ITCH: variants seen among roughly 807,000 people sequenced by gnomAD.
The protein encoded by ITCH is itchy E3 ubiquitin protein ligase, also known as E3 ubiquitin-protein ligase Itchy homolog.
A neutral mutation model predicts 126.8 loss-of-function variants in ITCH; 28 were observed. The ratio of observed to expected loss-of-function variants is 0.22; its 90% CI spans 0.16 to 0.30. ITCH has a LOEUF of 0.30. Ranked by LOEUF, ITCH falls within the 10% of genes least tolerant of loss-of-function variation. The pLI is 1.00. For synonymous variants in ITCH, 342 were observed against 340.0 expected, an observed-to-expected ratio of 1.01 and a Z score of -0.06; for missense variants, 631 against 1,032.4, an observed-to-expected ratio of 0.61 and a Z score of 5.33.
chr20:34,446,100 C>G (rs1266702682), intron 11 of ITCH, among the ~76,000 whole-genome samples: 1 of 152,162 alleles, frequency 6.6e-6, no homozygotes, highest in Non-Finnish European at 1.5e-5. Context: ...GCTATGCAGT[C>G]TTTGGTGCTA....
intron 22 of ITCH, among the ~76,000 whole-genome samples, 166 bp downstream of exon 22, chr20:34,490,092 C>T (rs1989407489): frequency 6.6e-6 from 1 of 152,178 alleles, no homozygotes. Context: ...CCTTTTAAGA[C>T]TATTGCCAAG....
intron 14 of ITCH, among the ~76,000 whole-genome samples, chr20:34,465,137 C>G (rs200732307): frequency 2.6e-5 from 4 of 152,182 alleles, no homozygotes; most frequent in Non-Finnish European, 4.4e-5. Flanking sequence ...TTCCCAAGCA[C>G]CATTTGTTGA....
At chr20:34,502,709 A>G (rs1990338866) in intron 23 of ITCH, among the ~76,000 whole-genome samples, 1 of 151,272 alleles carries the variant, frequency 6.6e-6, no homozygotes, top group African/African-American at 2.4e-5. Context: ...CAAAAAAAAA[A>G]AGAAAATGCT....
At chr20:34,388,590 A>T (rs1004462665) in intron 2 of ITCH, among the ~76,000 whole-genome samples, 11 of 152,202 alleles carry the variant, frequency 7.2e-5, no homozygotes, top group South Asian at 2.1e-4. Context: ...TTTTGCTCTC[A>T]CATATCTGTC....
intron 2 of ITCH, among the ~76,000 whole-genome samples, chr20:34,380,365 T>C (rs1051776596): frequency 1.3e-5 from 2 of 152,204 alleles, no homozygotes; most frequent in Non-Finnish European, 2.9e-5. Context: ...TTCCCTGTTA[T>C]CTTTTTTGCT....
At chr20:34,384,730 A>G (rs1220051099) in intron 2 of ITCH, among the ~76,000 whole-genome samples, 6 of 138,822 alleles carry the variant, frequency 4.3e-5, no homozygotes, top group African/African-American at 1.6e-4. Context: ...GCATGTCCTC[A>G]GCTCACTGCA....
chr20:34,469,879 A>T (rs1987454467), intron 14 of ITCH, among the ~76,000 whole-genome samples, 169 bp from the exon 15 acceptor site: 1 of 152,214 alleles, frequency 6.6e-6, no homozygotes, highest in Non-Finnish European at 1.5e-5. Flanking sequence ...ACTTAAAAGT[A>T]TTCTTGGGGA....
intron 11 of ITCH, among the ~76,000 whole-genome samples, chr20:34,445,888 C>T (rs1190291833): frequency 6.6e-6 from 1 of 152,104 alleles, no homozygotes; most frequent in Non-Finnish European, 1.5e-5. Context: ...TAAGGCTTAC[C>T]TAATAAATTA....
At chr20:34,477,995 G>A in intron 17 of ITCH, 135 bp downstream of exon 17, 1 of 1,144,106 alleles carries the variant, frequency 8.7e-7, no homozygotes, top group Non-Finnish European at 1.2e-6. Context: ...CCTTTATTAT[G>A]CTGTAGCTAC....
intron 24 of ITCH, 152 bp downstream of exon 24, chr20:34,504,555 CT>C: frequency 4.7e-6 from 3 of 642,124 alleles, no homozygotes; most frequent in Non-Finnish European, 8.5e-6. Context: ...TTGTTCACCC[CT>C]GTATGATTCC....
At chr20:34,443,863 G>A (rs1338406249) in intron 10 of ITCH, among the ~76,000 whole-genome samples, 1 of 152,142 alleles carries the variant, frequency 6.6e-6, no homozygotes, top group Non-Finnish European at 1.5e-5. Context: ...GCATGTACCT[G>A]TAGTCCTAGT....
chr20:34,412,726 G>A (rs1979214175), intron 5 of ITCH, 87 bp downstream of exon 5: 3 of 1,118,242 alleles, frequency 2.7e-6, no homozygotes, highest in African/African-American at 1.5e-5. Context: ...AATGACTCAT[G>A]TTCTCTCATA....
chr20:34,505,334 G>A (rs904389687), intron 24 of ITCH, among the ~76,000 whole-genome samples: 4 of 152,024 alleles, frequency 2.6e-5, no homozygotes, highest in African/African-American at 4.8e-5. Context: ...GTGAGCTGCC[G>A]CATCTGGCCT....
chr20:34,453,851 G>A (rs1416414762), intron 12 of ITCH, among the ~76,000 whole-genome samples: 2 of 151,672 alleles, frequency 1.3e-5, no homozygotes, highest in African/African-American at 2.4e-5. Context: ...AAAATTAGCT[G>A]GGAGTGGTGG....
chr20:34,424,543 G>A lies in ITCH; in HGVS notation c.521+18G>A. The A allele has an allele frequency of 6.2e-7, 1 of 1,600,236 alleles. No individual in the cohort carries two copies. Among genetic ancestry groups the A allele is most frequent in the Non-Finnish European group, 8.6e-7 (1 of 1,167,412 alleles). On this transcript the variant is annotated intron_variant, in intron 7 of 24. Transcript: ENST00000374864. ...GAAACAAGGTAAGCATTCACTGATT[G>A]CTTACCACAGAATGCGGAGAGATAG...
chr20:34,433,990 T>A (rs553659298), intron 7 of ITCH, among the ~76,000 whole-genome samples: 11 of 152,246 alleles, frequency 7.2e-5, no homozygotes, highest in African/African-American at 2.6e-4. Flanking sequence ...AAAATTAAAA[T>A]GGGGGCTAGG....
At chr20:34,505,301 C>T (rs1990549239) in intron 24 of ITCH, among the ~76,000 whole-genome samples, 1 of 152,150 alleles carries the variant, frequency 6.6e-6, no homozygotes, top group Non-Finnish European at 1.5e-5. Flanking sequence ...ACCTCGGCCT[C>T]CCAAAGTGTT....
At chr20:34,507,571 G>T in intron 24 of ITCH, 124 bp from the exon 25 acceptor site, 2 of 732,036 alleles carry the variant, frequency 2.7e-6, no homozygotes, top group Non-Finnish European at 4.7e-6. Flanking sequence ...TTTCTTGATG[G>T]TATCCTTTGA....
chr20:34,408,358 C>T (rs1978453197), intron 3 of ITCH, among the ~76,000 whole-genome samples: 1 of 152,122 alleles, frequency 6.6e-6, no homozygotes, highest in Admixed American at 6.6e-5. Flanking sequence ...AGAGGTGTAA[C>T]CCGCTGCACC....
Sources: gnomAD v4.1 joint callset for allele counts (sites outside exome capture counted in the v4.1 genomes callset) on GRCh38, gnomAD v4.1.1 for gene constraint, MANE v1.5 for transcripts, NCBI Gene and HGNC (gene_info 2026-07-23, HGNC 2026-07-21) for gene names.